Variants in PTPRM observed in about 807,000 individuals in gnomAD.
The protein encoded by PTPRM is receptor-type tyrosine-protein phosphatase mu.
In PTPRM, 47 loss-of-function variants were observed where a neutral mutation model predicts 186.7. The observed-to-expected ratio is 0.25, with a 90% CI of 0.20 to 0.32. The LOEUF is 0.32. Among genes scored for constraint, PTPRM ranks in the 10% least tolerant of loss-of-function variants. The pLI is 1.00. For synonymous variants in PTPRM, 668 were observed against 674.9 expected (o/e 0.99, Z 0.16); for missense variants, 1,494 against 1,865.0 (o/e 0.80, Z 3.66).
At chr18:7,816,457 C>A (rs1291348580) in intron 2 of PTPRM, among the ~76,000 whole-genome samples, 1 of 152,122 alleles carries the variant, frequency 6.6e-6, no homozygotes, top group Non-Finnish European at 1.5e-5. Context: ...TAAAGGATGT[C>A]ATTTCTAATA....
intron 14 of PTPRM, among the ~76,000 whole-genome samples, chr18:8,163,628 G>A (rs983049428): frequency 2.0e-5 from 3 of 152,116 alleles, no homozygotes; most frequent in South Asian, 2.1e-4. Flanking sequence ...AACAACAATA[G>A]CATTAAAATT....
chr18:8,212,181 G>T (rs902665762), intron 14 of PTPRM, among the ~76,000 whole-genome samples: 3 of 152,176 alleles, frequency 2.0e-5, no homozygotes, highest in African/African-American at 7.2e-5. Flanking sequence ...TAGGAAGGAG[G>T]ACCAAGATGG....
chr18:7,886,270 G>A (rs186425974), intron 2 of PTPRM, among the ~76,000 whole-genome samples: 1 of 152,168 alleles, frequency 6.6e-6, no homozygotes, highest in South Asian at 2.1e-4. Context: ...TTATGATGGG[G>A]TTCATCAACC....
intron 14 of PTPRM, among the ~76,000 whole-genome samples, chr18:8,239,081 G>T (rs12963911): frequency 6.7e-6 from 1 of 148,638 alleles, no homozygotes; most frequent in South Asian, 2.2e-4. Flanking sequence ...TGCCATGCTG[G>T]TGTGCTGCAC....
At chr18:8,159,594 A>G (rs16952967) in intron 14 of PTPRM, among the ~76,000 whole-genome samples, 33,407 of 152,102 alleles carry the variant, frequency 0.22, 4,379 homozygotes, top group African/African-American at 0.36. Context: ...CAGAATTCCA[A>G]TTTGGACACC....
chr18:7,982,815 T>C (rs560708579), intron 7 of PTPRM, among the ~76,000 whole-genome samples: 3 of 152,004 alleles, frequency 2.0e-5, no homozygotes, highest in African/African-American at 7.2e-5. Context: ...GACAGTGATA[T>C]ATGTGGTTCG....
intron 1 of PTPRM, among the ~76,000 whole-genome samples, chr18:7,723,798 A>G (rs926568553): frequency 2.6e-5 from 4 of 152,042 alleles, no homozygotes; most frequent in Non-Finnish European, 5.9e-5. Flanking sequence ...CTGGGAGAGC[A>G]CCCTTTTTGT....
At position 7,569,705 on chromosome 18, in the gene PTPRM, A is replaced by G. The variant is rs74900658; in HGVS notation, c.73+1814A>G. ...TTTAAACCATGGGTTCCTCATCACCAAAAAGGATTTCAGCCTCAGTTGTAC... is the reference window on the plus strand; with the variant it reads ...TTTAAACCATGGGTTCCTCATCACCGAAAAGGATTTCAGCCTCAGTTGTAC... On this transcript the variant is annotated intron_variant, in intron 1 of 32. Coordinates refer to ENST00000580170, the MANE Select transcript of PTPRM (RefSeq NM_001105244.2). Among the ~76,000 whole-genome samples the G allele has an allele frequency of 7.4e-3, 1,131 of 152,352 alleles. 13 individuals carry two copies. Among genetic ancestry groups the G allele is most frequent in the African/African-American group, 0.026 (1,085 of 41,580 alleles).
chr18:8,151,572 C>G (rs2093007344), intron 14 of PTPRM, among the ~76,000 whole-genome samples: 1 of 143,064 alleles, frequency 7.0e-6, no homozygotes, highest in South Asian at 2.3e-4. Flanking sequence ...TCTAAGTTTG[C>G]TGGGCTCCAT....
At chr18:7,772,351 C>T (rs868402039) in intron 1 of PTPRM, among the ~76,000 whole-genome samples, 2 of 14,370 alleles carry the variant, frequency 1.4e-4, no homozygotes, top group Admixed American at 1.0e-3. Context: ...CTTTCTTTCT[C>T]TTTCTTTCTT....
intron 1 of PTPRM, among the ~76,000 whole-genome samples, chr18:7,696,155 C>T (rs1486520574): frequency 6.6e-6 from 1 of 152,108 alleles, no homozygotes; most frequent in Non-Finnish European, 1.5e-5. Context: ...TCAGCTATGC[C>T]TTTTCAGGGT....
At chr18:8,090,786 G>T (rs1207766675) in intron 11 of PTPRM, among the ~76,000 whole-genome samples, 1 of 152,100 alleles carries the variant, frequency 6.6e-6, no homozygotes, top group Non-Finnish European at 1.5e-5. Context: ...GTAGAGACAG[G>T]GTTTCATCAT....
chr18:7,687,269 T>TCCC (rs2039624370), intron 1 of PTPRM, among the ~76,000 whole-genome samples: 1 of 152,130 alleles, frequency 6.6e-6, no homozygotes, highest in Non-Finnish European at 1.5e-5. Flanking sequence ...CAAAAAGGAT[T>TCCC]TTGTTGTGAA....
intron 2 of PTPRM, among the ~76,000 whole-genome samples, chr18:7,850,746 G>C (rs951300595): frequency 3.3e-5 from 5 of 152,154 alleles, no homozygotes; most frequent in African/African-American, 1.2e-4. Context: ...AGCTGCAAAA[G>C]TGAATCCACT....
chr18:7,615,707 G>T lies in PTPRM; in HGVS notation c.73+47816G>T, dbSNP rs184145418. Among the ~76,000 whole-genome samples, 59 of 152,266 alleles carry T rather than the reference G, an allele frequency of 3.9e-4. 1 individual carries two copies. Among genetic ancestry groups the T allele is most frequent in the African/African-American group, 1.4e-3 (59 of 41,564 alleles). ...ACAATTTTTCCACAGATGGGGTGGG[G>T]TGGGGATGGTTTGCAGGATGATTCA... On this transcript the variant is annotated intron_variant, in intron 1 of 32. Transcript: ENST00000580170.
At chr18:8,384,439 C>T in intron 29 of PTPRM, 122 bp from the exon 30 acceptor site, 1 of 1,115,000 alleles carries the variant, frequency 9.0e-7, no homozygotes, top group Admixed American at 2.2e-5. Context: ...GCTGGGGAGA[C>T]AGAGCAAGAC....
At chr18:7,941,551 A>G (rs1223997983) in intron 5 of PTPRM, among the ~76,000 whole-genome samples, 1 of 152,148 alleles carries the variant, frequency 6.6e-6, no homozygotes, top group Non-Finnish European at 1.5e-5. Context: ...ATCTTTTTCC[A>G]TCCCTTTTTG....
chr18:7,831,957 C>T (rs1323296790), intron 2 of PTPRM, among the ~76,000 whole-genome samples: 1 of 152,186 alleles, frequency 6.6e-6, no homozygotes, highest in Non-Finnish European at 1.5e-5. Flanking sequence ...GTGACAGGAT[C>T]TCATTCTTTT....
intron 2 of PTPRM, among the ~76,000 whole-genome samples, chr18:7,792,815 A>G (rs2043408983): frequency 1.3e-5 from 2 of 151,650 alleles, no homozygotes; most frequent in Admixed American, 6.6e-5. Flanking sequence ...ACACAACACA[A>G]CACTACACCT....
Sources: gnomAD v4.1 joint callset for allele counts (sites outside exome capture counted in the v4.1 genomes callset) on GRCh38, gnomAD v4.1.1 for gene constraint, MANE v1.5 for transcripts, NCBI Gene and HGNC (gene_info 2026-07-23, HGNC 2026-07-21) for gene names.